The following UBA7 variants were observed in gnomAD, a reference collection of about 807,000 sequenced individuals.
UBA7 encodes the protein ubiquitin-like modifier-activating enzyme 7.
UBA7 carries 88 observed loss-of-function variants against 113.0 expected under a neutral mutation model. The ratio of observed to expected loss-of-function variants is 0.78; its 90% CI spans 0.66 to 0.93. The LOEUF (loss-of-function observed/expected upper bound fraction) is 0.93, where lower values mean the gene tolerates loss of function less well. Ranked by LOEUF, UBA7 falls within the 40% of genes least tolerant of loss-of-function variation. The pLI is 0.00. For missense variants in UBA7, 1,092 were observed against 1,266.4 expected, an observed-to-expected ratio of 0.86 and a Z score of 2.09; for synonymous variants, 459 against 513.0, an observed-to-expected ratio of 0.89 and a Z score of 1.42.
At chr3:49,812,986 C>A in intron 4 of UBA7, 76 bp downstream of exon 4, 1 of 1,525,436 alleles carries the variant, frequency 6.6e-7, no homozygotes, top group Non-Finnish European at 8.9e-7. Context: ...GGCACTGGAG[C>A]AAGCCTGGAG....
chr3:49,808,459 T>G lies in UBA7; in HGVS notation c.2357A>C (p.Gln786Pro), dbSNP rs867682060. ...CAGGGCTTTGTTCAGTTCCTTCTGC[T>G]GCTCAGGGCCTGTCAGGGGAGGGGA... ...ASASAEFGPE[Q>P]QKELNKALEV... is the part of the protein sequence containing the mutation. The change falls in exon 19 of 24, where the codon CAG (glutamine) becomes CCG (proline). Residue 786 changes from glutamine to proline, a missense_variant. By Grantham distance (76) the Gln-to-Pro change is moderately conservative. Around this residue, in one of 3 missense-constraint regions of UBA7, gnomAD observed 500 missense variants for 529.3 expected, o/e 0.94. Transcript: ENST00000333486. 2.5e-6 allele frequency: 4 copies of G among 1,614,050 alleles called. No homozygotes were observed. The African/African-American group carries it at 5.3e-5, about 22-fold the overall frequency.
chr3:49,806,110 G>A lies in UBA7; in HGVS notation c.2771C>T (p.Pro924Leu). 6.2e-7 allele frequency: 1 copy of A among 1,600,276 alleles called. No homozygotes were observed. Among genetic ancestry groups the A allele is most frequent in the Non-Finnish European group, 8.5e-7 (1 of 1,173,908 alleles). ...WDRLKVPAGQPERTLESLLAH... is the reference protein window; with the variant it reads ...WDRLKVPAGQLERTLESLLAH... Reference sequence around the variant, plus strand: ...CAGCAGCGACTCCAGGGTCCTCTCAGGCTGCCCAGCTGGTACCTTCAGACG... The same window carrying A: ...CAGCAGCGACTCCAGGGTCCTCTCAAGCTGCCCAGCTGGTACCTTCAGACG... The change falls in exon 22 of 24, where the codon CCT becomes CTT. Residue 924 changes from proline to leucine, a missense_variant. By Grantham distance (98) the Pro-to-Leu change is moderately conservative. This residue lies in a region of UBA7 where 500 missense variants were observed against 529.3 expected (regional missense o/e 0.94). Coordinates refer to ENST00000333486, the MANE Select transcript of UBA7 (RefSeq NM_003335.3).
chr3:49,813,087 C>G lies in UBA7; in HGVS notation c.442G>C (p.Ala148Pro). The change falls in exon 4 of 24, where the codon GCG becomes CCG. Residue 148 changes from alanine (A) to proline (P), a missense_variant. Ala to Pro is a conservative substitution (Grantham distance 27, BLOSUM62 -1). Around this residue, in one of 3 missense-constraint regions of UBA7, gnomAD observed 584 missense variants for 714.5 expected, o/e 0.82. Transcript: ENST00000333486. ...CCCACGAGGCCCCGGGTGTCAGCCG[C>G]CAGAAAGCAAACTCCATGCTTATGA... ...LCHKHGVCFL[A>P]ADTRGLVGQL... 1 of 1,613,920 alleles carries G rather than the reference C, an allele frequency of 6.2e-7. No individual in the cohort carries two copies. Among genetic ancestry groups the G allele is most frequent in the South Asian group, 1.1e-5 (1 of 91,072 alleles).
In UBA7 at chr3:49,809,127, G is replaced by A. The variant is rs756783277; in HGVS notation, c.2196C>T (p.Ala732=). The A allele has an allele frequency of 6.2e-7, 1 of 1,613,164 alleles. No homozygotes were observed. The highest frequency in any genetic ancestry group is 2.2e-5 in the East Asian group (1 of 44,856). ...GCCCATGCATCTGGGCATACAGGTT[G>A]GCAGCTGCCAGTACGTAGAGGAGGT... ...DTHLLYVLAA[A]NLYAQMHGLP... Residue 732 remains alanine, a synonymous_variant, in exon 18 of 24, where the codon GCC becomes GCT. Coordinates refer to ENST00000333486, the MANE Select transcript of UBA7 (RefSeq NM_003335.3).
At chr3:49,805,577 T>C in intron 23 of UBA7, 140 bp from the exon 24 acceptor site, 1 of 790,336 alleles carries the variant, frequency 1.3e-6, no homozygotes, top group South Asian at 1.6e-5. Flanking sequence ...AGGAAACATC[T>C]GAAACTATTT....
At chr3:49,811,145 A>T in intron 9 of UBA7, 54 bp from the exon 10 acceptor site, 1 of 1,607,558 alleles carries the variant, frequency 6.2e-7, no homozygotes, top group Non-Finnish European at 8.5e-7. Flanking sequence ...CCCCCCTCAG[A>T]TCCTGGCTGG....
At chr3:49,812,060 G>A (rs1437992506) in intron 7 of UBA7, 44 bp from the exon 8 acceptor site, 2 of 1,614,142 alleles carry the variant, frequency 1.2e-6, no homozygotes, top group Non-Finnish European at 1.7e-6. Context: ...AATGCTATGG[G>A]CCCCTCAAGG....
chr3:49,805,887 G>T lies in UBA7; in HGVS notation c.2909+10C>A, dbSNP rs762996040. 9.3e-5 allele frequency: 144 copies of T among 1,551,380 alleles called. No individual in the cohort carries two copies. In the South Asian group the frequency reaches 1.7e-3, roughly 18 times the overall value. On this transcript the variant is annotated intron_variant, in intron 23 of 23. Coordinates refer to ENST00000333486, the MANE Select transcript of UBA7 (RefSeq NM_003335.3). Reference sequence around the variant, plus strand: ...TGGTGGGGCCTGTCTAAAGCCCCAAGTGGGCTCACCTGAGGGGCAGGTGCT... The same window carrying T: ...TGGTGGGGCCTGTCTAAAGCCCCAATTGGGCTCACCTGAGGGGCAGGTGCT...
At position 49,808,566 on chromosome 3, in the gene UBA7, C is replaced by G. The variant is rs1156401353; in HGVS notation, c.2348-98G>C. On this transcript the variant is annotated intron_variant, in intron 18 of 23. Coordinates refer to ENST00000333486, the MANE Select transcript of UBA7 (RefSeq NM_003335.3). ...TTCTTGGTCTTTGCCAAGCCTGTCA[C>G]TTACTATTCCCTGATCAAATCAAGA... 3.2e-6 allele frequency: 4 copies of G among 1,262,690 alleles called. No homozygotes were observed. The African/African-American group carries it at 6.0e-5, about 19-fold the overall frequency. 78.2% of individuals were successfully genotyped at this position (1,262,690 alleles called of 1,614,324 possible).
In UBA7 at chr3:49,805,452, T is replaced by C; in HGVS notation, c.2910-15A>G. ...GTTCTGTCACCCTGGTAGGGGTGGG[T>C]TTAGGGGAGATTGGAGAGGTGAGCC... is the stretch of plus-strand genomic sequence containing the variant. On this transcript the variant is annotated splice_polypyrimidine_tract_variant and intron_variant, in intron 23 of 23. Coordinates refer to ENST00000333486, the MANE Select transcript of UBA7 (RefSeq NM_003335.3). 1 of 1,433,798 alleles carries C rather than the reference T, an allele frequency of 7.0e-7. No homozygotes were observed. Among genetic ancestry groups the C allele is most frequent in the African/African-American group, 1.5e-5 (1 of 65,996 alleles). 88.8% of individuals were successfully genotyped at this position (1,433,798 alleles called of 1,614,324 possible).
At chr3:49,809,298 C>A (rs1336385079) in intron 17 of UBA7, 92 bp downstream of exon 17, 1 of 1,546,122 alleles carries the variant, frequency 6.5e-7, no homozygotes, top group East Asian at 2.3e-5. Flanking sequence ...TCTCTCTGGG[C>A]ATCTGTGCAT....
chr3:49,812,383 T>A (rs2081563596), intron 6 of UBA7, 25 bp downstream of exon 6: 1 of 1,613,770 alleles, frequency 6.2e-7, no homozygotes, highest in East Asian at 2.2e-5. Flanking sequence ...GCCCTGCACC[T>A]GGAATTGGAA....
At chr3:49,811,628 C>T in intron 8 of UBA7, 173 bp from the exon 9 acceptor site, 5 of 1,132,638 alleles carry the variant, frequency 4.4e-6, no homozygotes, top group Non-Finnish European at 4.9e-6. Flanking sequence ...ATGCCCAGTA[C>T]CAGACAGCAG....
chr3:49,813,841 T>A lies in UBA7; in HGVS notation c.-54A>T. Reference sequence around the variant, plus strand: ...GCAGCGCTCAGAGATAGGGTCTTTGTGTAGGTGGCGGTGACAGTAGGGGCC... The same window carrying A: ...GCAGCGCTCAGAGATAGGGTCTTTGAGTAGGTGGCGGTGACAGTAGGGGCC... On this transcript the variant is annotated 5_prime_UTR_variant, in exon 1 of 24. Coordinates refer to ENST00000333486, the MANE Select transcript of UBA7 (RefSeq NM_003335.3). 1 of 1,606,414 alleles carries A rather than the reference T, an allele frequency of 6.2e-7. No homozygotes were observed. Among genetic ancestry groups the A allele is most frequent in the Non-Finnish European group, 8.5e-7 (1 of 1,175,972 alleles).
rs2108301698 is a variant in UBA7 at position 49,811,954 on chromosome 3, G to A, written c.855C>T (p.His285=). The change falls in exon 8 of 24, where the codon CAC becomes CAT. Residue 285 remains histidine, a synonymous_variant. Transcript: ENST00000333486. ...AGGCCTGATGCAGGCAGTGGGCATGGTGAACTTCCTGGGAGCTCTGGGCCA... is the reference window on the plus strand; with the variant it reads ...AGGCCTGATGCAGGCAGTGGGCATGATGAACTTCCTGGGAGCTCTGGGCCA... The part of the protein sequence containing the change: ...HVVAQSSQEV[H]HAHCLHQAFC... The A allele has an allele frequency of 6.2e-7, 1 of 1,614,210 alleles. No homozygotes were observed. The highest frequency in any genetic ancestry group is 1.3e-5 in the African/African-American group (1 of 75,060).
rs751334631 is a variant in UBA7 at position 49,809,092 on chromosome 3, G to A, written c.2231C>T (p.Ser744Leu). ...CTCCCTGAGTGCAGTCCAGTCCTGT[G>A]AGCCAGGCAGCCCATGCATCTGGGC... ...LYAQMHGLPG[S>L]QDWTALRELL... is the part of the protein sequence containing the mutation. The change falls in exon 18 of 24, where the codon TCA (serine) becomes TTA (leucine). Residue 744 changes from serine to leucine, a missense_variant. Coordinates refer to ENST00000333486, the MANE Select transcript of UBA7 (RefSeq NM_003335.3). The A allele has an allele frequency of 1.9e-6, 3 of 1,613,654 alleles. No homozygotes were observed. Among genetic ancestry groups the A allele is most frequent in the Admixed American group, 1.7e-5 (1 of 59,926 alleles).
In UBA7 at chr3:49,809,681, G is replaced by T; in HGVS notation, c.1949C>A (p.Thr650Asn). ...LADMDEPQTL[T>N]LLKPVLGVLR... is the part of the protein sequence containing the mutation. Reference sequence around the variant, plus strand: ...GACCCCAAGCACTGGCTTCAGTAAGGTGAGTGTCTGTGGCTCATCCATGTC... The same window carrying T: ...GACCCCAAGCACTGGCTTCAGTAAGTTGAGTGTCTGTGGCTCATCCATGTC... Residue 650 changes from threonine to asparagine, a missense_variant, in exon 16 of 24, where the codon ACC (threonine) becomes AAC (asparagine). Coordinates refer to ENST00000333486, the MANE Select transcript of UBA7 (RefSeq NM_003335.3). 6.2e-7 allele frequency: 1 copy of T among 1,614,146 alleles called. No individual in the cohort carries two copies. The highest frequency in any genetic ancestry group is 1.1e-5 in the South Asian group (1 of 91,090).
chr3:49,807,676 G>A lies in UBA7; in HGVS notation c.2715+60C>T. ...CCGGCAGCTAGATTGGGGCCTGTAT[G>A]GGCAGGTGCAGGGGAAACCCAGGCC... On this transcript the variant is annotated intron_variant, in intron 21 of 23. Coordinates refer to ENST00000333486, the MANE Select transcript of UBA7 (RefSeq NM_003335.3). The surrounding 1 kb of genome is among the most constrained non-coding windows in gnomAD (Gnocchi z 4.0). The A allele has an allele frequency of 6.5e-7, 1 of 1,531,910 alleles. No homozygotes were observed. The highest frequency in any genetic ancestry group is 8.8e-7 in the Non-Finnish European group (1 of 1,137,958). 94.9% of individuals were successfully genotyped at this position (1,531,910 alleles called of 1,614,324 possible). A position where few individuals can be genotyped will look rare whatever the true frequency, so the allele number is the denominator to read the frequency against.
At position 49,810,145 on chromosome 3, in the gene UBA7, G is replaced by C. The variant is rs1383638417; in HGVS notation, c.1672C>G (p.Pro558Ala). ...CCCGATGTGCCTGCCTCCAGCAGTG[G>C]CTTCAGATAGTGGGTGCAACGAGCA... ...VAARCTHYLK[P>A]LLEAGTSGTW... Residue 558 changes from proline (P) to alanine (A), a missense_variant, in exon 14 of 24, where the codon CCA (proline) becomes GCA (alanine). Physicochemically the swap from Pro to Ala is conservative, Grantham distance 27. Around this residue, in one of 3 missense-constraint regions of UBA7, gnomAD observed 584 missense variants for 714.5 expected, o/e 0.82. Transcript: ENST00000333486. The surrounding 1 kb of genome is among the most constrained non-coding windows in gnomAD (Gnocchi z 5.6). 6.2e-7 allele frequency: 1 copy of C among 1,612,738 alleles called. No individual in the cohort carries two copies. The highest frequency in any genetic ancestry group is 1.3e-5 in the African/African-American group (1 of 74,918).
Sources: gnomAD v4.1 joint callset for allele counts on GRCh38, gnomAD v4.1.1 for gene constraint, gnomAD v4.1.1 regional missense constraint, Gnocchi (gnomAD v3.1) non-coding constraint, MANE v1.5 for transcripts, NCBI Gene and HGNC (gene_info 2026-07-23, HGNC 2026-07-21) for gene names.